The following PDS5B variants were observed in gnomAD, a reference collection of about 807,000 sequenced individuals.
PDS5B encodes sister chromatid cohesion protein PDS5 homolog B.
A neutral mutation model predicts 184.1 loss-of-function variants in PDS5B; 51 were observed. That is an observed-to-expected ratio of 0.28 (90% CI 0.22 to 0.35). PDS5B has a LOEUF of 0.35. Ranked by LOEUF, PDS5B falls within the 10% of genes least tolerant of loss-of-function variation. The pLI is 1.00. For synonymous variants in PDS5B, 566 were observed against 569.2 expected (o/e 0.99, Z 0.08); for missense variants, 1,180 against 1,723.3 (o/e 0.68, Z 5.58).
rs186710484 is a variant in PDS5B, at chr13:32,741,924, A to G, written c.2476-667A>G. 7.2e-4 allele frequency among the ~76,000 whole-genome samples: 109 copies of G among 152,182 alleles called. 1 individual carries two copies. The highest frequency in any genetic ancestry group is 6.4e-3 in the Admixed American group (98 of 15,272). Reference sequence around the variant, plus strand: ...TGGTCTCAAGCTGCAGTTTTTGTATACTTGAAAGCAGCACTGGACTAGAAG... The same window carrying G: ...TGGTCTCAAGCTGCAGTTTTTGTATGCTTGAAAGCAGCACTGGACTAGAAG... On this transcript the variant is annotated intron_variant, in intron 22 of 34. Transcript: ENST00000315596.
intron 1 of PDS5B, among the ~76,000 whole-genome samples, chr13:32,627,649 T>C (rs1291011922): frequency 1.3e-5 from 2 of 152,212 alleles, no homozygotes; most frequent in African/African-American, 2.4e-5. Context: ...AAATTAGTAA[T>C]TGCATTAATG....
chr13:32,619,059 C>T (rs575328138), intron 1 of PDS5B, among the ~76,000 whole-genome samples: 91 of 152,296 alleles, frequency 6.0e-4, no homozygotes, highest in African/African-American at 1.9e-3. Context: ...CAGCTTTATA[C>T]AAGTCTCACT....
intron 31 of PDS5B, among the ~76,000 whole-genome samples, chr13:32,766,204 C>G (rs984382425): frequency 6.6e-6 from 1 of 152,186 alleles, no homozygotes; most frequent in Non-Finnish European, 1.5e-5. Context: ...AACTAGGTCA[C>G]TCATACCCAC....
intron 1 of PDS5B, among the ~76,000 whole-genome samples, chr13:32,610,296 A>G (rs1483092986): frequency 1.3e-5 from 2 of 152,234 alleles, no homozygotes; most frequent in East Asian, 3.8e-4. Context: ...ATAATAAGTT[A>G]AGGGACAGGT....
intron 11 of PDS5B, 96 bp downstream of exon 11, chr13:32,684,119 T>C: frequency 1.8e-6 from 1 of 547,904 alleles, no homozygotes; most frequent in Non-Finnish European, 2.9e-6. Context: ...TATTTAAATA[T>C]AATTAGCCTT....
chr13:32,610,925 C>A (rs1452275921), intron 1 of PDS5B, among the ~76,000 whole-genome samples: 3 of 151,858 alleles, frequency 2.0e-5, no homozygotes, highest in African/African-American at 7.3e-5. Context: ...TAGTTCAAAC[C>A]TTTTAAAACC....
At chr13:32,673,077 A>G in intron 7 of PDS5B, 139 bp from the exon 8 acceptor site, 1 of 723,910 alleles carries the variant, frequency 1.4e-6, no homozygotes, top group Admixed American at 2.6e-5. Context: ...TTGGTTTCCC[A>G]TATAATGTTA....
intron 28 of PDS5B, 30 bp from the exon 29 acceptor site, chr13:32,759,598 A>G: frequency 1.6e-6 from 2 of 1,256,930 alleles, no homozygotes; most frequent in Non-Finnish European, 1.1e-6. Context: ...TTTAATATTC[A>G]CTGACTACTT....
At chr13:32,697,325 T>C (rs1951734630) in intron 15 of PDS5B, among the ~76,000 whole-genome samples, 1 of 152,226 alleles carries the variant, frequency 6.6e-6, no homozygotes, top group Non-Finnish European at 1.5e-5. Flanking sequence ...ATCTCCTTTG[T>C]TCAGTGGAAA....
chr13:32,604,328 A>G (rs1171490414), intron 1 of PDS5B, among the ~76,000 whole-genome samples: 1 of 152,164 alleles, frequency 6.6e-6, no homozygotes, highest in Non-Finnish European at 1.5e-5. Flanking sequence ...ATCTTTTGAG[A>G]TAATCATGTG....
intron 3 of PDS5B, among the ~76,000 whole-genome samples, chr13:32,655,374 A>ATATATATATAT: frequency 6.9e-5 from 5 of 72,484 alleles, no homozygotes; most frequent in Admixed American, 1.8e-4. Context: ...ATATATATAT[A>ATATATATATAT]TTTTTTTTTT....
chr13:32,756,245 T>C (rs1394665961), intron 26 of PDS5B, among the ~76,000 whole-genome samples: 1 of 152,184 alleles, frequency 6.6e-6, no homozygotes, highest in Non-Finnish European at 1.5e-5. Flanking sequence ...CCATTTCTTA[T>C]CTTTTCCTTC....
intron 1 of PDS5B, among the ~76,000 whole-genome samples, chr13:32,609,587 G>C (rs1259857821): frequency 6.6e-6 from 1 of 152,178 alleles, no homozygotes; most frequent in Admixed American, 6.5e-5. Context: ...TGCCTGGATT[G>C]TTTCCACTGA....
At chr13:32,745,227 A>G (rs1467745136) in intron 23 of PDS5B, among the ~76,000 whole-genome samples, 5 of 152,206 alleles carry the variant, frequency 3.3e-5, no homozygotes, top group Admixed American at 3.3e-4. Context: ...TTAGCACAGT[A>G]GTTGTGTTTG....
At chr13:32,675,987 AG>A (rs767208288) in intron 9 of PDS5B, 28 bp downstream of exon 9, 1 of 1,300,350 alleles carries the variant, frequency 7.7e-7, no homozygotes, top group East Asian at 2.3e-5. Flanking sequence ...CCCATTTAAA[AG>A]TAATACATTA....
chr13:32,588,102 G>T (rs1333155640), intron 1 of PDS5B, among the ~76,000 whole-genome samples: 2 of 152,136 alleles, frequency 1.3e-5, no homozygotes, highest in South Asian at 2.1e-4. Flanking sequence ...CACAAATATG[G>T]ACTTGAAAGA....
chr13:32,701,524 T>C, intron 17 of PDS5B, 86 bp downstream of exon 17: 1 of 749,598 alleles, frequency 1.3e-6, no homozygotes, highest in Non-Finnish European at 2.3e-6. Flanking sequence ...GCCTGCTATA[T>C]CTAGCTACAC....
intron 6 of PDS5B, among the ~76,000 whole-genome samples, chr13:32,663,118 C>T (rs1051547565): frequency 3.3e-5 from 5 of 151,970 alleles, no homozygotes; most frequent in Non-Finnish European, 5.9e-5. Context: ...ACAATAGCAA[C>T]GATAATAGCA....
chr13:32,641,784 C>T (rs1383265123), intron 1 of PDS5B, among the ~76,000 whole-genome samples: 1 of 152,058 alleles, frequency 6.6e-6, no homozygotes, highest in African/African-American at 2.4e-5. Context: ...ATAAATTGTT[C>T]TAAAAATATT....
Sources: gnomAD v4.1 joint callset for allele counts (sites outside exome capture counted in the v4.1 genomes callset) on GRCh38, gnomAD v4.1.1 for gene constraint, MANE v1.5 for transcripts, NCBI Gene and HGNC (gene_info 2026-07-23, HGNC 2026-07-21) for gene names.